Variants in LSP1 observed in about 807,000 individuals in gnomAD.
LSP1 encodes lymphocyte specific protein 1.
A neutral mutation model predicts 49.3 loss-of-function variants in LSP1; 32 were observed. The ratio of observed to expected loss-of-function variants is 0.65; its 90% confidence interval spans 0.49 to 0.87. LSP1 has a LOEUF of 0.87. Ranked by LOEUF, LSP1 falls within the 40% of genes least tolerant of loss-of-function variation. The pLI, the probability that LSP1 is intolerant of heterozygous loss-of-function variation, is 0.00. For missense variants in LSP1, 428 were observed against 442.6 expected (o/e 0.97, Z 0.30); for synonymous variants, 179 against 178.8 (o/e 1.00, Z -0.01).
In LSP1 at chr11:1,853,159, G is replaced by A. The variant is rs550152138; in HGVS notation, c.15G>A (p.Ser5=). The stretch of plus-strand genomic sequence containing the variant: ...ACTACAGGCTGATGGCGGAGGCTTC[G>A]AGTGACCCGGGTGCCGAGGAGCGGG... MAEA[S]SDPGAEEREE... is the part of the protein sequence containing the mutation. Residue 5 remains serine (S), a synonymous_variant, in exon 1 of 11, where the codon TCG becomes TCA. Coordinates refer to ENST00000311604, the MANE Select transcript of LSP1 (RefSeq NM_002339.3). 1.1e-5 allele frequency: 18 copies of A among 1,611,282 alleles called. No homozygotes were observed. The highest frequency in any genetic ancestry group is 8.0e-5 in the African/African-American group (6 of 74,918).
chr11:1,889,598 G>C lies in LSP1; in HGVS notation c.*13+2022G>C. 3 of 613,636 alleles carry C rather than the reference G, an allele frequency of 4.9e-6. No individual in the cohort carries two copies. The East Asian group carries it at 8.5e-5, about 17-fold the overall frequency. 38.0% of individuals were successfully genotyped at this position (613,636 alleles called of 1,614,324 possible). A position where few individuals can be genotyped will look rare whatever the true frequency, so the allele number is the denominator to read the frequency against. ...GCCGGGGCTTGGGTGCAACTTTGGG[G>C]ACAGGGCATGGGTGAGGGCCTGATG... On this transcript the variant is annotated intron_variant, in intron 10 of 10. Coordinates refer to ENST00000311604, the MANE Select transcript of LSP1 (RefSeq NM_002339.3).
chr11:1,880,291 G>A (rs1367469406), intron 2 of LSP1, 67 bp downstream of exon 2: 2 of 1,460,980 alleles, frequency 1.4e-6, no homozygotes, highest in East Asian at 2.6e-5. Flanking sequence ...CCTGGGCAGA[G>A]GGGGAGGTCA....
intron 1 of LSP1, among the ~76,000 whole-genome samples, chr11:1,854,938 G>A (rs1052605837): frequency 2.6e-5 from 4 of 152,164 alleles, no homozygotes; most frequent in Admixed American, 6.5e-5. Context: ...GGCCAGGAGC[G>A]GGGAGGGGGG....
chr11:1,879,727 A>G (rs1420357309), intron 1 of LSP1, among the ~76,000 whole-genome samples: 1 of 152,048 alleles, frequency 6.6e-6, no homozygotes, highest in South Asian at 2.1e-4. Context: ...TCCTGGTTCT[A>G]CTTAGGGAGG....
intron 7 of LSP1, among the ~76,000 whole-genome samples, 169 bp from the exon 8 acceptor site, chr11:1,886,563 C>T (rs1382847255): frequency 3.3e-5 from 5 of 152,236 alleles, no homozygotes; most frequent in Admixed American, 1.3e-4. Context: ...ACAACTGCAT[C>T]GAATGGAGGA....
At chr11:1,887,420 C>A in intron 9 of LSP1, 54 bp from the exon 10 acceptor site, 1 of 1,582,428 alleles carries the variant, frequency 6.3e-7, no homozygotes, top group Non-Finnish European at 8.7e-7. Context: ...GCGGAGGCAG[C>A]ATCATCTCCT....
At chr11:1,861,232 C>T (rs201624899) in intron 1 of LSP1, among the ~76,000 whole-genome samples, 2 of 152,204 alleles carry the variant, frequency 1.3e-5, no homozygotes, top group East Asian at 1.9e-4. Context: ...GGCTATCATA[C>T]GTAAAATATC....
At chr11:1,866,227 T>C (rs1334226675) in intron 1 of LSP1, among the ~76,000 whole-genome samples, 1 of 152,188 alleles carries the variant, frequency 6.6e-6, no homozygotes, top group African/African-American at 2.4e-5. Context: ...TGGAGGGCTG[T>C]CCTGCTCTGA....
chr11:1,876,632 G>C (rs923484625), intron 1 of LSP1: 2 of 983,808 alleles, frequency 2.0e-6, no homozygotes, highest in Non-Finnish European at 2.4e-6. Context: ...AGTGTCTGCA[G>C]GGGGAGGACG....
chr11:1,878,429 C>T (rs7112545), intron 1 of LSP1, among the ~76,000 whole-genome samples: 1 of 151,278 alleles, frequency 6.6e-6, no homozygotes, highest in Non-Finnish European at 1.5e-5. Flanking sequence ...CCTCGGGGGC[C>T]GGGAGTTGAA....
intron 9 of LSP1, 51 bp downstream of exon 9, chr11:1,887,365 G>T: frequency 6.3e-7 from 1 of 1,589,014 alleles, no homozygotes; most frequent in South Asian, 1.1e-5. Context: ...GCAGGGGAGG[G>T]CAAAGAGGGA....
chr11:1,873,200 G>A (rs368547789), intron 1 of LSP1, among the ~76,000 whole-genome samples: 2 of 152,048 alleles, frequency 1.3e-5, no homozygotes, highest in South Asian at 2.1e-4. Flanking sequence ...GGTGGGGGGC[G>A]GCTCTGTCTC....
At chr11:1,876,641 C>T (rs1290363363) in intron 1 of LSP1, 45 of 985,088 alleles carry the variant, frequency 4.6e-5, no homozygotes, top group East Asian at 1.1e-4. Flanking sequence ...AGGGGGAGGA[C>T]GGAGGTGGGT....
At chr11:1,886,559 G>A (rs1848758721) in intron 7 of LSP1, among the ~76,000 whole-genome samples, 173 bp from the exon 8 acceptor site, 1 of 152,240 alleles carries the variant, frequency 6.6e-6, no homozygotes, top group Non-Finnish European at 1.5e-5. Context: ...TCTCACAACT[G>A]CATCGAATGG....
rs1452607509 is a variant in LSP1, at chr11:1,887,260, C to G, written c.876C>G (p.Ser292Arg). The G allele has an allele frequency of 1.3e-6, 2 of 1,591,952 alleles. No homozygotes were observed. Among genetic ancestry groups the G allele is most frequent in the African/African-American group, 2.7e-5 (2 of 74,300 alleles). Residue 292 changes from serine (S) to arginine (R), a missense_variant, in exon 9 of 11, where the codon AGC becomes AGG. Coordinates refer to ENST00000311604, the MANE Select transcript of LSP1 (RefSeq NM_002339.3). ...AGGATATTGTGGCTGGAGACATGAG[C>G]AAGAAAAGCCTCTGGGAGCAGAAGG... ...SCKDIVAGDM[S>R]KKSLWEQKGG...
chr11:1,889,230 G>A, intron 10 of LSP1: 1 of 674,708 alleles, frequency 1.5e-6, no homozygotes. Flanking sequence ...TGTGGGAGGG[G>A]GCCGGGTGGC....
chr11:1,866,659 C>T (rs1233355677), intron 1 of LSP1: 4 of 1,550,402 alleles, frequency 2.6e-6, no homozygotes, highest in Admixed American at 2.0e-5. Flanking sequence ...TCCCTCCCTG[C>T]CCAACGGGAA....
chr11:1,854,716 A>C (rs1847445161), intron 1 of LSP1, among the ~76,000 whole-genome samples: 1 of 152,102 alleles, frequency 6.6e-6, no homozygotes, highest in African/African-American at 2.4e-5. Flanking sequence ...GCAGGGAGAC[A>C]GGCTTCTGGG....
chr11:1,862,791 C>T lies in LSP1; in HGVS notation c.53+9594C>T, dbSNP rs1847677507. Among the ~76,000 whole-genome samples, 2 of 151,388 alleles carry T rather than the reference C, an allele frequency of 1.3e-5. 1 individual carries two copies. The highest frequency in any genetic ancestry group is 4.2e-4 in the South Asian group (2 of 4,796). ...CCTCCCCTGGGTGATCTCACCTCCC[C>T]TGGGTGATCTCACCTCCCCCAGGTA... On this transcript the variant is annotated intron_variant, in intron 1 of 10. Coordinates refer to ENST00000311604, the MANE Select transcript of LSP1 (RefSeq NM_002339.3).
Sources: gnomAD v4.1 joint callset for allele counts (sites outside exome capture counted in the v4.1 genomes callset) on GRCh38, gnomAD v4.1.1 for gene constraint, MANE v1.5 for transcripts, NCBI Gene and HGNC (gene_info 2026-07-23, HGNC 2026-07-21) for gene names.